Variants in ESRRG observed in about 807,000 individuals in gnomAD.
ESRRG encodes the protein estrogen-related receptor gamma.
In ESRRG, 13 loss-of-function variants were observed where a neutral mutation model predicts 44.0. The ratio of observed to expected loss-of-function variants is 0.30; its 90% CI spans 0.19 to 0.47. The LOEUF is 0.47. ESRRG is among the 20% of genes least tolerant of loss of function. The probability of loss-of-function intolerance (pLI) is 1.00; values close to 1 mark genes in which losing one functional copy is unlikely to be tolerated. For missense variants in ESRRG, 395 were observed against 580.6 expected (o/e 0.68, Z 3.29); for synonymous variants, 215 against 214.6 (o/e 1.00, Z -0.02).
chr1:216,768,966 G>C (rs2093252200), intron 2 of ESRRG, among the ~76,000 whole-genome samples: 1 of 151,860 alleles, frequency 6.6e-6, no homozygotes, highest in South Asian at 2.1e-4. Flanking sequence ...CCTTAAAATA[G>C]AACTGACATT....
chr1:216,752,761 G>A (rs533928742), intron 2 of ESRRG, among the ~76,000 whole-genome samples: 163 of 152,166 alleles, frequency 1.1e-3, no homozygotes, highest in African/African-American at 3.8e-3. Context: ...CAGTGGCTGG[G>A]TCCCATCCAT....
At chr1:216,753,872 A>T (rs559907986) in intron 2 of ESRRG, among the ~76,000 whole-genome samples, 9 of 152,086 alleles carry the variant, frequency 5.9e-5, no homozygotes, top group African/African-American at 2.2e-4. Context: ...GTGTGCATGC[A>T]TTGTCTACAT....
intron 1 of ESRRG, among the ~76,000 whole-genome samples, chr1:216,714,242 T>A (rs990643521): frequency 2.6e-5 from 4 of 152,166 alleles, no homozygotes; most frequent in Admixed American, 2.6e-4. Flanking sequence ...TCTTTGGAAT[T>A]CAGAGGGAAA....
At chr1:216,525,832 G>T (rs2047492809) in intron 5 of ESRRG, among the ~76,000 whole-genome samples, 1 of 152,132 alleles carries the variant, frequency 6.6e-6, no homozygotes, top group Admixed American at 6.5e-5. Flanking sequence ...ACTAGGTCAA[G>T]AAATATCAGA....
At chr1:216,567,735 T>C (rs542995595) in intron 4 of ESRRG, among the ~76,000 whole-genome samples, 1 of 152,208 alleles carries the variant, frequency 6.6e-6, no homozygotes, top group Non-Finnish European at 1.5e-5. Flanking sequence ...AATATGCTTA[T>C]GCTTCCACAA....
intron 5 of ESRRG, among the ~76,000 whole-genome samples, chr1:216,528,285 C>T (rs2048288218): frequency 6.6e-6 from 1 of 152,136 alleles, no homozygotes; most frequent in Non-Finnish European, 1.5e-5. Context: ...TTTGGAGCCA[C>T]TTAGACTCTG....
intron 3 of ESRRG, among the ~76,000 whole-genome samples, chr1:216,594,461 C>T (rs1044453188): frequency 1.3e-5 from 2 of 152,174 alleles, no homozygotes; most frequent in South Asian, 4.2e-4. Context: ...ATTGCATGGC[C>T]AGGGATCTAC....
intron 3 of ESRRG, among the ~76,000 whole-genome samples, chr1:216,608,399 T>C (rs180776512): frequency 6.6e-6 from 1 of 152,324 alleles, no homozygotes; most frequent in Admixed American, 6.5e-5. Context: ...TTCAATCTTC[T>C]TTCTTAGGGG....
chr1:217,092,528 A>T (rs2092364154), upstream of ESRRG, among the ~76,000 whole-genome samples: 1 of 152,162 alleles, frequency 6.6e-6, no homozygotes. Flanking sequence ...TTCGCCATCA[A>T]GCTCTCTGCT....
intron 5 of ESRRG, among the ~76,000 whole-genome samples, chr1:216,544,935 A>G (rs1018834728): frequency 6.6e-6 from 1 of 152,064 alleles, no homozygotes; most frequent in Non-Finnish European, 1.5e-5. Context: ...AAACAATTTA[A>G]GAATTAGAAA....
At chr1:217,123,888 C>T (rs767891952) in intron 1 of ESRRG, among the ~76,000 whole-genome samples, 17 of 152,006 alleles carry the variant, frequency 1.1e-4, no homozygotes, top group Non-Finnish European at 2.1e-4. Flanking sequence ...CTGCACATCT[C>T]GCACATGTAC....
chr1:216,520,222 A>C (rs1158176164), intron 5 of ESRRG, among the ~76,000 whole-genome samples: 1 of 152,150 alleles, frequency 6.6e-6, no homozygotes, highest in African/African-American at 2.4e-5. Context: ...TGGCTCTTTC[A>C]CCTTGAGCAA....
At chr1:217,106,891 ACCAAGCTCTGCGTGT>A (rs1197909158) in intron 1 of ESRRG, among the ~76,000 whole-genome samples, 1 of 152,088 alleles carries the variant, frequency 6.6e-6, no homozygotes, top group Non-Finnish European at 1.5e-5. Context: ...TTATACTTTC[ACCAAGCTCTGCGTGT>A]CCATGATGAT....
intron 1 of ESRRG, among the ~76,000 whole-genome samples, chr1:217,133,599 T>C (rs1558297889): frequency 1.4e-5 from 2 of 139,868 alleles, no homozygotes; most frequent in South Asian, 2.4e-4. Context: ...CAATGGTGTT[T>C]TCCTTTTTTC....
intron 2 of ESRRG, among the ~76,000 whole-genome samples, chr1:216,794,394 C>T (rs1158933804): frequency 6.6e-6 from 1 of 152,162 alleles, no homozygotes; most frequent in Non-Finnish European, 1.5e-5. Flanking sequence ...GAACTATATT[C>T]TGCAGTAGCA....
intron 1 of ESRRG, among the ~76,000 whole-genome samples, chr1:216,995,958 C>T (rs1176845994): frequency 1.3e-5 from 2 of 152,068 alleles, no homozygotes; most frequent in Non-Finnish European, 2.9e-5. Context: ...CTGTAATCTC[C>T]ACTCAATTCC....
intron 2 of ESRRG, among the ~76,000 whole-genome samples, chr1:216,781,734 T>C (rs1440747726): frequency 6.6e-6 from 1 of 152,136 alleles, no homozygotes. Context: ...AAGCCAAGCA[T>C]GTAATCAGGT....
intron 2 of ESRRG, among the ~76,000 whole-genome samples, chr1:216,927,089 A>AATCC (rs1578237447): frequency 6.6e-6 from 1 of 152,222 alleles, no homozygotes; most frequent in East Asian, 1.9e-4. Flanking sequence ...TTCTGAAAGC[A>AATCC]ATCCGAACCA....
At chr1:216,839,453 A>G (rs1201552613) in intron 2 of ESRRG, among the ~76,000 whole-genome samples, 1 of 152,208 alleles carries the variant, frequency 6.6e-6, no homozygotes, top group Non-Finnish European at 1.5e-5. Context: ...TTTATGAATC[A>G]CAAATGTTCT....
Sources: gnomAD v4.1 joint callset for allele counts (sites outside exome capture counted in the v4.1 genomes callset) on GRCh38, gnomAD v4.1.1 for gene constraint, MANE v1.5 for transcripts, NCBI Gene and HGNC (gene_info 2026-07-23, HGNC 2026-07-21) for gene names.